The following ARHGAP15 variants were observed in gnomAD, a reference collection of about 807,000 sequenced individuals.
The protein encoded by ARHGAP15 is Rho GTPase activating protein 15.
ARHGAP15 carries 51 observed loss-of-function variants against 63.7 expected under a neutral mutation model. The observed-to-expected ratio is 0.80, with a 90% confidence interval of 0.64 to 1.01. ARHGAP15 has a LOEUF of 1.01. Among genes scored for constraint, ARHGAP15 ranks in the 50% least tolerant of loss-of-function variants. The probability of loss-of-function intolerance (pLI) is 0.00; values close to 1 mark genes in which losing one functional copy is unlikely to be tolerated. For missense variants in ARHGAP15, 560 were observed against 564.6 expected (o/e 0.99, Z 0.08); for synonymous variants, 191 against 193.8 (o/e 0.99, Z 0.12).
At chr2:143,192,104 T>C (rs1691706032) in intron 2 of ARHGAP15, among the ~76,000 whole-genome samples, 1 of 152,254 alleles carries the variant, frequency 6.6e-6, no homozygotes, top group African/African-American at 2.4e-5. Flanking sequence ...ATTTCTACAC[T>C]TTAGTGGTAT....
At chr2:143,290,750 C>T (rs1682355209) in intron 6 of ARHGAP15, among the ~76,000 whole-genome samples, 1 of 151,992 alleles carries the variant, frequency 6.6e-6, no homozygotes. Flanking sequence ...TTGGGGTAAT[C>T]ATCAGATTCA....
At chr2:143,135,623 A>G (rs1215553483) in intron 1 of ARHGAP15, among the ~76,000 whole-genome samples, 3 of 152,164 alleles carry the variant, frequency 2.0e-5, no homozygotes, top group Admixed American at 1.3e-4. Flanking sequence ...ATAGCCATTT[A>G]TGTATCTTTA....
At chr2:143,529,715 A>G (rs1396422885) in intron 10 of ARHGAP15, among the ~76,000 whole-genome samples, 1 of 152,068 alleles carries the variant, frequency 6.6e-6, no homozygotes, top group Non-Finnish European at 1.5e-5. Context: ...CCAAATTCAC[A>G]TTCATCTTCT....
chr2:143,326,565 C>G (rs1429986009), intron 6 of ARHGAP15, among the ~76,000 whole-genome samples: 2 of 152,260 alleles, frequency 1.3e-5, no homozygotes, highest in South Asian at 4.2e-4. Context: ...GTGACTTCTC[C>G]AACAATTAAC....
chr2:143,253,413 G>A (rs1242345713), intron 6 of ARHGAP15, among the ~76,000 whole-genome samples: 1 of 151,798 alleles, frequency 6.6e-6, no homozygotes, highest in Admixed American at 6.6e-5. Flanking sequence ...GGATGTTTGA[G>A]TTGTTTTCTC....
intron 8 of ARHGAP15, among the ~76,000 whole-genome samples, chr2:143,478,218 AT>A (rs1404098132): frequency 6.6e-6 from 1 of 152,186 alleles, no homozygotes; most frequent in Non-Finnish European, 1.5e-5. Flanking sequence ...ACCCAGATGT[AT>A]TCTTCAACTG....
At chr2:143,359,665 T>C (rs914428073) in intron 6 of ARHGAP15, among the ~76,000 whole-genome samples, 18 of 152,216 alleles carry the variant, frequency 1.2e-4, no homozygotes, top group African/African-American at 4.3e-4. Context: ...TGCAGGTCAG[T>C]ATTTATAAAA....
At chr2:143,490,684 G>A (rs924584604) in intron 9 of ARHGAP15, among the ~76,000 whole-genome samples, 17 of 152,098 alleles carry the variant, frequency 1.1e-4, no homozygotes, top group African/African-American at 4.1e-4. Context: ...GCAGTGGCAT[G>A]ATCTTAGCTC....
chr2:143,273,443 T>G (rs1184696076), intron 6 of ARHGAP15, among the ~76,000 whole-genome samples: 3 of 151,576 alleles, frequency 2.0e-5, no homozygotes, highest in Non-Finnish European at 2.9e-5. Context: ...AATACCCCAA[T>G]GAACCTATTG....
chr2:143,288,760 G>T (rs983064423), intron 6 of ARHGAP15, among the ~76,000 whole-genome samples: 1 of 150,996 alleles, frequency 6.6e-6, no homozygotes, highest in Non-Finnish European at 1.5e-5. Context: ...ATTATTAAAG[G>T]TGCCATCTCA....
intron 8 of ARHGAP15, among the ~76,000 whole-genome samples, chr2:143,466,785 A>G (rs1691231498): frequency 6.6e-6 from 1 of 152,004 alleles, no homozygotes; most frequent in Non-Finnish European, 1.5e-5. Flanking sequence ...GGTTGATGCC[A>G]CCCTACAAGA....
intron 6 of ARHGAP15, among the ~76,000 whole-genome samples, chr2:143,415,511 A>T (rs2105034791): frequency 6.6e-6 from 1 of 152,334 alleles, no homozygotes; most frequent in East Asian, 1.9e-4. Flanking sequence ...TTATAGAAAA[A>T]AAAGTTTAAC....
intron 6 of ARHGAP15, among the ~76,000 whole-genome samples, chr2:143,408,090 C>T (rs1414836532): frequency 7.0e-6 from 1 of 142,610 alleles, no homozygotes; most frequent in Non-Finnish European, 1.5e-5. Flanking sequence ...ATGTCTGTGC[C>T]TGTGCCTGAG....
intron 8 of ARHGAP15, among the ~76,000 whole-genome samples, chr2:143,450,849 C>T (rs989516004): frequency 1.3e-5 from 2 of 151,910 alleles, no homozygotes; most frequent in African/African-American, 4.8e-5. Context: ...TTATTGTTGC[C>T]TGTCTCCATC....
intron 6 of ARHGAP15, among the ~76,000 whole-genome samples, chr2:143,330,286 G>A (rs1394351994): frequency 2.0e-5 from 3 of 151,606 alleles, no homozygotes; most frequent in East Asian, 3.9e-4. Context: ...ATGGTGTAAT[G>A]TTAATATTTC....
At chr2:143,478,366 G>A (rs1691920936) in intron 8 of ARHGAP15, among the ~76,000 whole-genome samples, 1 of 152,140 alleles carries the variant, frequency 6.6e-6, no homozygotes, top group Non-Finnish European at 1.5e-5. Context: ...TCAGTAATCA[G>A]TTCATGGTAA....
At chr2:143,381,689 C>T (rs1687059743) in intron 6 of ARHGAP15, among the ~76,000 whole-genome samples, 1 of 152,134 alleles carries the variant, frequency 6.6e-6, no homozygotes, top group Non-Finnish European at 1.5e-5. Context: ...TCACTATAGA[C>T]TATGACCATC....
intron 11 of ARHGAP15, among the ~76,000 whole-genome samples, chr2:143,614,764 A>C (rs1310937219): frequency 6.6e-6 from 1 of 152,224 alleles, no homozygotes; most frequent in Non-Finnish European, 1.5e-5. Flanking sequence ...GGCATGCCCC[A>C]GGAGTGATGG....
intron 6 of ARHGAP15, among the ~76,000 whole-genome samples, chr2:143,408,031 A>ATATATATG (rs1558950738): frequency 1.7e-5 from 2 of 120,038 alleles, no homozygotes; most frequent in African/African-American, 6.4e-5. Context: ...ATATATATAT[A>ATATATATG]TCCTTTTTCC....
Sources: gnomAD v4.1 joint callset for allele counts (sites outside exome capture counted in the v4.1 genomes callset) on GRCh38, gnomAD v4.1.1 for gene constraint, MANE v1.5 for transcripts, NCBI Gene and HGNC (gene_info 2026-07-23, HGNC 2026-07-21) for gene names.